Variants in NUDC observed in about 807,000 individuals in gnomAD.
NUDC encodes the protein nuclear distribution C, dynein complex regulator, also known as nuclear migration protein nudC.
NUDC carries 14 observed loss-of-function variants against 45.0 expected under a neutral mutation model. The ratio of observed to expected loss-of-function variants is 0.31; its 90% CI spans 0.21 to 0.49. The LOEUF (loss-of-function observed/expected upper bound fraction) is 0.49, where lower values mean the gene tolerates loss of function less well. NUDC is among the 20% of genes least tolerant of loss of function. The pLI is 0.99. For synonymous variants in NUDC, 153 were observed against 156.7 expected (o/e 0.98, Z 0.17); for missense variants, 323 against 426.2 (o/e 0.76, Z 2.13).
In NUDC at chr1:26,946,403, G is replaced by A. The variant is rs1313579750; in HGVS notation, c.*222G>A. On this transcript the variant is annotated 3_prime_UTR_variant, in exon 9 of 9. Transcript: ENST00000321265. ...TAAAACGATTTGCCCAGCTCCTTCT[G>A]TGTCCTCTCTTGCCTCTGGCCTTTC... 5.2e-6 allele frequency: 3 copies of A among 578,430 alleles called. No individual in the cohort carries two copies. Among genetic ancestry groups the A allele is most frequent in the African/African-American group, 3.8e-5 (2 of 53,318 alleles). The allele number at this position is 578,430 out of a possible 1,614,324, so 35.8% of individuals were successfully genotyped here.
intron 2 of NUDC, among the ~76,000 whole-genome samples, chr1:26,905,264 G>A (rs879382641): frequency 1.3e-5 from 2 of 148,762 alleles, no homozygotes; most frequent in African/African-American, 2.5e-5. Context: ...GGGTTCAGGC[G>A]ATTCTCCTGC....
At chr1:26,901,591 G>GAC (rs938099911) in intron 1 of NUDC, among the ~76,000 whole-genome samples, 2 of 151,882 alleles carry the variant, frequency 1.3e-5, no homozygotes, top group African/African-American at 4.8e-5. Context: ...TTTTAGTAGA[G>GAC]ACGGGGTTTC....
chr1:26,938,148 G>A (rs2082249298), intron 2 of NUDC, among the ~76,000 whole-genome samples: 1 of 152,128 alleles, frequency 6.6e-6, no homozygotes, highest in African/African-American at 2.4e-5. Flanking sequence ...AGTGACCGAA[G>A]CTTGAGTCGG....
upstream of NUDC, among the ~76,000 whole-genome samples, chr1:26,917,529 C>A (rs1460441831): frequency 6.6e-6 from 1 of 151,482 alleles, no homozygotes; most frequent in Non-Finnish European, 1.5e-5. Flanking sequence ...GCCACTGCAG[C>A]CTAGACTGGG....
At chr1:26,930,848 T>C (rs934341878) in intron 2 of NUDC, among the ~76,000 whole-genome samples, 1 of 151,408 alleles carries the variant, frequency 6.6e-6, no homozygotes, top group Non-Finnish European at 1.5e-5. Flanking sequence ...AAACCTCGTC[T>C]CTACTAAAAA....
rs1170448328 is a variant in NUDC, at chr1:26,945,377, G to A, written c.742-13G>A. The stretch of plus-strand genomic sequence containing the variant: ...GCAGGCCACCTCCCACCCTCTGGTT[G>A]TTCTCTTCACAGATCAATAAGATGG... On this transcript the variant is annotated splice_polypyrimidine_tract_variant and intron_variant, in intron 6 of 8. Coordinates refer to ENST00000321265, the MANE Select transcript of NUDC (RefSeq NM_006600.4). The A allele has an allele frequency of 6.2e-7, 1 of 1,613,106 alleles. No homozygotes were observed. Among genetic ancestry groups the A allele is most frequent in the Non-Finnish European group, 8.5e-7 (1 of 1,179,184 alleles).
chr1:26,921,566 C>CG (rs1419139142), upstream of NUDC, among the ~76,000 whole-genome samples: 2 of 152,256 alleles, frequency 1.3e-5, no homozygotes, highest in Non-Finnish European at 2.9e-5. Context: ...CTCGGGCCCA[C>CG]GGCTCCGCCT....
In NUDC at chr1:26,921,777, C is replaced by G. The variant is rs951613833; in HGVS notation, c.-72C>G. ...GGACGACTAGAGTCGTTGGGCCCGG[C>G]GCGACCCGCAGGAGCGTAGAGAGCG... On this transcript the variant is annotated 5_prime_UTR_variant, in exon 1 of 9. Coordinates refer to ENST00000321265, the MANE Select transcript of NUDC (RefSeq NM_006600.4). 8 of 1,489,966 alleles carry G rather than the reference C, an allele frequency of 5.4e-6. No individual in the cohort carries two copies. The highest frequency in any genetic ancestry group is 7.3e-6 in the Non-Finnish European group (8 of 1,094,992). 92.3% of individuals were successfully genotyped at this position (1,489,966 alleles called of 1,614,324 possible).
intron 2 of NUDC, 80 bp from the exon 3 acceptor site, chr1:26,941,377 G>A: frequency 6.8e-7 from 1 of 1,468,502 alleles, no homozygotes; most frequent in Non-Finnish European, 9.4e-7. Flanking sequence ...GCACCCAGCA[G>A]GTAGAGAGTG....
intron 2 of NUDC, among the ~76,000 whole-genome samples, chr1:26,937,304 G>A (rs1409369854): frequency 6.6e-6 from 1 of 152,062 alleles, no homozygotes; most frequent in Non-Finnish European, 1.5e-5. Context: ...TCACTCTCAC[G>A]CAGGTTGTAG....
At chr1:26,917,439 G>A (rs2082067482), upstream of NUDC, among the ~76,000 whole-genome samples, 1 of 151,978 alleles carries the variant, frequency 6.6e-6, no homozygotes, top group Non-Finnish European at 1.5e-5. Context: ...GTGCACGCCT[G>A]TAGTCCCAGC....
intron 2 of NUDC, among the ~76,000 whole-genome samples, chr1:26,935,775 A>G (rs531800847): frequency 2.0e-5 from 3 of 151,908 alleles, no homozygotes; most frequent in Admixed American, 6.6e-5. Context: ...AGTAAGGTTC[A>G]CACTTTACAC....
At chr1:26,934,346 T>C (rs530996335) in intron 2 of NUDC, among the ~76,000 whole-genome samples, 1 of 152,228 alleles carries the variant, frequency 6.6e-6, no homozygotes, top group East Asian at 1.9e-4. Context: ...GAGAACAGCA[T>C]GGGGGAAACC....
intron 2 of NUDC, among the ~76,000 whole-genome samples, chr1:26,939,600 A>AAAT (rs756865410): frequency 1.1e-4 from 16 of 152,110 alleles, no homozygotes; most frequent in African/African-American, 3.4e-4. Flanking sequence ...CATGCCTCAA[A>AAAT]AATAATAATA....
In NUDC at chr1:26,942,970, G is replaced by T; in HGVS notation, c.646G>T (p.Ala216Ser). 6.2e-7 allele frequency: 1 copy of T among 1,614,164 alleles called. No individual in the cohort carries two copies. The highest frequency in any genetic ancestry group is 8.5e-7 in the Non-Finnish European group (1 of 1,180,026). ...HLRVGLKGQP[A>S]IIDGELYNEV... is the part of the protein sequence containing the mutation. The stretch of plus-strand genomic sequence containing the variant: ...CCGGGTGGGGCTCAAGGGGCAGCCA[G>T]CGATCATTGATGGGGAGCTCTACAA... Residue 216 changes from alanine to serine, a missense_variant, in exon 6 of 9, where the codon GCG becomes TCG. Physicochemically the swap from Ala to Ser is moderately conservative, Grantham distance 99. Transcript: ENST00000321265.
At chr1:26,918,902 C>G (rs146543318), upstream of NUDC, among the ~76,000 whole-genome samples, 3 of 151,926 alleles carry the variant, frequency 2.0e-5, no homozygotes, top group African/African-American at 7.3e-5. Flanking sequence ...CTCAGCCTCC[C>G]GTGTAGCTGG....
At position 26,924,210 on chromosome 1, in the gene NUDC, C is replaced by G. The variant is rs764721214; in HGVS notation, c.159+44C>G. 15 of 1,558,536 alleles carry G rather than the reference C, an allele frequency of 9.6e-6. No homozygotes were observed. The South Asian group carries it at 1.7e-4, about 17-fold the overall frequency. On this transcript the variant is annotated intron_variant, in intron 2 of 8. Transcript: ENST00000321265. ...TGTCCTTTGGGCGGCTCTGTCTCTT[C>G]AGAAGAAAAGCTCACCTGGCCTTTC...
At chr1:26,941,085 CTTTTTTTTTTTTT>C (rs772114445) in intron 2 of NUDC, among the ~76,000 whole-genome samples, 1 of 91,378 alleles carries the variant, frequency 1.1e-5, no homozygotes, top group Non-Finnish European at 2.0e-5. Context: ...CCATGCCCAG[CTTTTTTTTTTTTT>C]TTTTTTTTTT....
At position 26,924,152 on chromosome 1, in the gene NUDC, G is replaced by C; in HGVS notation, c.145G>C (p.Gly49Arg). Reference sequence around the variant, plus strand: ...AGACTTTTTCATTGGAGGAGAAGAAGGGATGGCAGAGAAGGTAAGTGTTGG... The same window carrying C: ...AGACTTTTTCATTGGAGGAGAAGAACGGATGGCAGAGAAGGTAAGTGTTGG... ...KTDFFIGGEEGMAEKLITQTF... is the reference protein window; with the variant it reads ...KTDFFIGGEERMAEKLITQTF... Residue 49 changes from glycine to arginine, a missense_variant, in exon 2 of 9, where the codon GGG (glycine) becomes CGG (arginine). Transcript: ENST00000321265. The C allele has an allele frequency of 6.2e-7, 1 of 1,614,110 alleles. No homozygotes were observed. Among genetic ancestry groups the C allele is most frequent in the Non-Finnish European group, 8.5e-7 (1 of 1,179,978 alleles).
Sources: gnomAD v4.1 joint callset for allele counts (sites outside exome capture counted in the v4.1 genomes callset) on GRCh38, gnomAD v4.1.1 for gene constraint, MANE v1.5 for transcripts, NCBI Gene and HGNC (gene_info 2026-07-23, HGNC 2026-07-21) for gene names.